ANK2: variants seen among roughly 807,000 people sequenced by gnomAD.
ANK2 encodes the protein ankyrin-2.
Under a neutral mutation model 360.5 loss-of-function variants are expected in ANK2, and 83 were observed. The observed-to-expected ratio is 0.23, with a 90% CI of 0.19 to 0.28. ANK2 has a LOEUF of 0.28. Among genes scored for constraint, ANK2 ranks in the 10% least tolerant of loss-of-function variants. ANK2 has a pLI of 1.00. For missense variants in ANK2, 4,201 were observed against 4,795.7 expected (o/e 0.88, Z 3.66); for synonymous variants, 1,740 against 1,759.5 (o/e 0.99, Z 0.28).
At chr4:113,061,143 G>A (rs919201966) in intron 1 of ANK2, among the ~76,000 whole-genome samples, 28 of 152,162 alleles carry the variant, frequency 1.8e-4, no homozygotes, top group African/African-American at 6.5e-4. Flanking sequence ...TGGGTAGGAG[G>A]TCTGTTCCAT....
chr4:113,214,373 GT>G, intron 4 of ANK2: 1 of 916,812 alleles, frequency 1.1e-6, no homozygotes, highest in Non-Finnish European at 1.8e-6. Flanking sequence ...CACGACCATT[GT>G]TCCTTCTTTT....
chr4:113,278,604 G>T, intron 17 of ANK2, 46 bp downstream of exon 17: 2 of 1,559,112 alleles, frequency 1.3e-6, no homozygotes, highest in Non-Finnish European at 1.8e-6. Context: ...TGTAACTATC[G>T]CCTGAAAACA....
At chr4:113,333,660 A>T (rs1162784540) in intron 29 of ANK2, among the ~76,000 whole-genome samples, 1 of 152,228 alleles carries the variant, frequency 6.6e-6, no homozygotes, top group Non-Finnish European at 1.5e-5. Flanking sequence ...GTGTTGGAAA[A>T]CTTACATCTA....
intron 1 of ANK2, among the ~76,000 whole-genome samples, chr4:112,901,732 G>A (rs553958277): frequency 9.2e-5 from 14 of 151,926 alleles, no homozygotes; most frequent in African/African-American, 1.4e-4. Flanking sequence ...ACGGTGGCAC[G>A]TGCCTGTAAT....
chr4:112,832,801 A>G (rs2060091239), intron 1 of ANK2, among the ~76,000 whole-genome samples: 1 of 152,244 alleles, frequency 6.6e-6, no homozygotes, highest in Non-Finnish European at 1.5e-5. Context: ...ATATTTTAAA[A>G]GGATATATAT....
chr4:112,719,958 G>A, the ANK2 span, among the ~76,000 whole-genome samples: 1 of 152,180 alleles, frequency 6.6e-6, no homozygotes, highest in Non-Finnish European at 1.5e-5. Flanking sequence ...CTGGAGCACA[G>A]TTTTGGGGGA....
At chr4:113,324,491 T>G (rs184065136) in intron 26 of ANK2, among the ~76,000 whole-genome samples, 82 of 152,332 alleles carry the variant, frequency 5.4e-4, no homozygotes, top group African/African-American at 1.7e-3. Context: ...CAGTTTTGTG[T>G]TTTTATTTTT....
At chr4:113,367,993 A>G (rs2096596244) in intron 42 of ANK2, 142 bp downstream of exon 42, 1 of 1,022,768 alleles carries the variant, frequency 9.8e-7, no homozygotes, top group Non-Finnish European at 1.4e-6. Context: ...TAAAGGGGAA[A>G]AAAAAAGCGT....
rs1390277535 is a variant in ANK2, at chr4:113,356,593, A to G, written c.7975A>G (p.Lys2659Glu). Residue 2659 changes from lysine to glutamate, a missense_variant, in exon 38 of 46, where the codon AAG becomes GAG. Physicochemically the swap from Lys to Glu is moderately conservative, Grantham distance 56. This residue lies in a region of ANK2 where 2,642 missense variants were observed against 2,714.5 expected (regional missense o/e 0.97). Transcript: ENST00000357077. ...VPVLVTSESR[K>E]VSSSSESEPE... ...TGTGTTAGTAACTTCGGAGAGCAGG[A>G]AGGTGTCTTCCTCCTCAGAAAGTGA... is the stretch of plus-strand genomic sequence containing the variant. 2 of 1,614,094 alleles carry G rather than the reference A, an allele frequency of 1.2e-6. No homozygotes were observed. The highest frequency in any genetic ancestry group is 3.3e-5 in the Admixed American group (2 of 60,016).
intron 42 of ANK2, 128 bp downstream of exon 42, chr4:113,367,979 G>C: frequency 9.0e-7 from 1 of 1,116,738 alleles, no homozygotes; most frequent in Non-Finnish European, 1.3e-6. Context: ...ACAAGTGCCA[G>C]AGCTAAAGGG....
intron 45 of ANK2, among the ~76,000 whole-genome samples, chr4:113,374,255 C>G (rs78665455): frequency 0.014 from 2,092 of 152,264 alleles, 58 homozygotes; most frequent in African/African-American, 0.047. Context: ...TGTTTTACTT[C>G]CCTTTTTCAG....
chr4:112,729,697 A>G, the ANK2 span, among the ~76,000 whole-genome samples: 1 of 151,534 alleles, frequency 6.6e-6, no homozygotes, highest in Non-Finnish European at 1.5e-5. Context: ...GCAGGCAGCC[A>G]AGATCACACC....
At position 113,357,759 on chromosome 4, in the gene ANK2, A is replaced by C. The variant is rs1273694931; in HGVS notation, c.9141A>C (p.Glu3047Asp). 1.9e-6 allele frequency: 3 copies of C among 1,613,996 alleles called. No homozygotes were observed. The highest frequency in any genetic ancestry group is 1.7e-6 in the Non-Finnish European group (2 of 1,179,974). ...KTDVDSDSWS[E>D]IREDDEAFEA... ...ATGTGGATTCTGATTCTTGGAGTGA[A>C]ATTCGGGAAGACGATGAAGCCTTTG... The change falls in exon 38 of 46, where the codon GAA (glutamate) becomes GAC (aspartate). Residue 3047 changes from glutamate (E) to aspartate (D), a missense_variant. Glu to Asp is a conservative substitution (Grantham distance 45). This residue lies in a region of ANK2 where 2,642 missense variants were observed against 2,714.5 expected (regional missense o/e 0.97). Transcript: ENST00000357077.
chr4:112,922,929 T>A (rs939536779), intron 2 of ANK2, among the ~76,000 whole-genome samples: 3 of 152,190 alleles, frequency 2.0e-5, no homozygotes, highest in Admixed American at 6.5e-5. Flanking sequence ...AGATAAGTTG[T>A]TTTTACTGTG....
the ANK2 span, among the ~76,000 whole-genome samples, chr4:112,712,408 T>TA: frequency 7.7e-4 from 71 of 92,352 alleles, no homozygotes; most frequent in African/African-American, 2.6e-3. Context: ...ATATATATAT[T>TA]TTTTTTTTTT....
intron 2 of ANK2, among the ~76,000 whole-genome samples, chr4:113,001,854 C>T (rs1369826192): frequency 5.9e-5 from 9 of 152,092 alleles, no homozygotes; most frequent in Admixed American, 5.9e-4. Flanking sequence ...TCTCAACAGC[C>T]TCCAGATGTG....
chr4:113,036,394 G>A (rs1460873662), intron 2 of ANK2, among the ~76,000 whole-genome samples: 1 of 151,956 alleles, frequency 6.6e-6, no homozygotes, highest in African/African-American at 2.4e-5. Flanking sequence ...GACCAAGTAA[G>A]TTATATGATT....
At chr4:113,313,883 T>C (rs10020183) in intron 24 of ANK2, among the ~76,000 whole-genome samples, 20,674 of 151,648 alleles carry the variant, frequency 0.14, 2,638 homozygotes, top group African/African-American at 0.34. Flanking sequence ...TGTATTGAAC[T>C]GAATAACTAG....
At chr4:112,763,845 T>A in the ANK2 span, among the ~76,000 whole-genome samples, 1 of 152,078 alleles carries the variant, frequency 6.6e-6, no homozygotes, top group Non-Finnish European at 1.5e-5. Flanking sequence ...ATTGGCTTAT[T>A]TGGGGAATGG....
Sources: allele counts gnomAD v4.1 joint callset (sites outside exome capture counted in the v4.1 genomes callset), GRCh38; gene constraint gnomAD v4.1.1; regional missense constraint gnomAD v4.1.1; transcripts MANE v1.5; gene names NCBI Gene and HGNC (gene_info 2026-07-23, HGNC 2026-07-21).